Variants in USP54 observed in about 807,000 individuals in gnomAD.
USP54 encodes the protein ubiquitin carboxyl-terminal hydrolase 54.
A neutral mutation model predicts 170.5 loss-of-function variants in USP54; 87 were observed. The ratio of observed to expected loss-of-function variants is 0.51; its 90% CI spans 0.43 to 0.61. The LOEUF (loss-of-function observed/expected upper bound fraction) is 0.61, where lower values mean the gene tolerates loss of function less well. USP54 is among the 20% of genes least tolerant of loss of function. The pLI is 0.00. For synonymous variants in USP54, 655 were observed against 742.8 expected, an observed-to-expected ratio of 0.88 and a Z score of 1.92; for missense variants, 1,786 against 2,047.8, an observed-to-expected ratio of 0.87 and a Z score of 2.47.
At chr10:73,534,861 A>AGACACAAGTCT in intron 11 of USP54, 91 bp from the exon 12 acceptor site, 1 of 1,275,114 alleles carries the variant, frequency 7.8e-7, no homozygotes. Context: ...AAAGCTCCAT[A>AGACACAAGTCT]AGGCAAGAAC....
At chr10:73,542,176 G>A (rs749329665) in intron 7 of USP54, among the ~76,000 whole-genome samples, 20 of 152,136 alleles carry the variant, frequency 1.3e-4, no homozygotes, top group Non-Finnish European at 2.4e-4. Context: ...TCAGCTCACA[G>A]AAACCTCCGC....
chr10:73,610,359 G>A (rs1290520109), intron 1 of USP54, among the ~76,000 whole-genome samples: 3 of 152,024 alleles, frequency 2.0e-5, no homozygotes, highest in Non-Finnish European at 2.9e-5. Flanking sequence ...GCTCACACCT[G>A]TACTGTAATC....
chr10:73,545,584 T>G lies in USP54; in HGVS notation c.329A>C (p.Glu110Ala). Reference protein sequence around the residue: ...RSALAKTFQDEQRFQLGIMDD... With the variant: ...RSALAKTFQDAQRFQLGIMDD... ...CATAATTCCCAGCTGGAAACGTTGT[T>G]CATCCTGGAAAGTCTTTGCCAGAGC... The change falls in exon 5 of 24, where the codon GAA becomes GCA. Residue 110 changes from glutamate (E) to alanine (A), a missense_variant. By Grantham distance (107) the Glu-to-Ala change is moderately radical. Transcript: ENST00000687698. The G allele has an allele frequency of 2.5e-6, 4 of 1,614,202 alleles. No homozygotes were observed. The highest frequency in any genetic ancestry group is 3.4e-6 in the Non-Finnish European group (4 of 1,180,022).
At chr10:73,500,955 T>C in intron 22 of USP54, 117 bp from the exon 23 acceptor site, 1 of 1,077,532 alleles carries the variant, frequency 9.3e-7, no homozygotes, top group Non-Finnish European at 1.3e-6. Context: ...AGCACAAACA[T>C]GCCTACATGC....
Position 73,517,214 on chromosome 10 carries a change from G to C in USP54, c.3212C>G (p.Thr1071Ser), listed in dbSNP as rs905964991. The C allele has an allele frequency of 5.6e-6, 9 of 1,614,090 alleles. No individual in the cohort carries two copies. The East Asian group carries it at 8.9e-5, about 16-fold the overall frequency. The change falls in exon 20 of 24, where the codon ACC (threonine) becomes AGC (serine). Residue 1071 changes from threonine to serine, a missense_variant. Thr to Ser is a moderately conservative substitution (Grantham distance 58). This residue lies in a region of USP54 where 1,418 missense variants were observed against 1,569.0 expected (regional missense o/e 0.90). Transcript: ENST00000687698. ...SAQPSLPLYR[T>S]CHPIMPVASS... is the part of the protein sequence containing the mutation. Reference sequence around the variant, plus strand: ...AGCAACAGGCATTATGGGGTGGCAGGTTCTATACAGGGGAAGGCTGGGCTG... The same window carrying C: ...AGCAACAGGCATTATGGGGTGGCAGCTTCTATACAGGGGAAGGCTGGGCTG...
chr10:73,609,533 G>A lies in USP54; in HGVS notation c.-18+16034C>T, dbSNP rs186389784. 5.1e-3 allele frequency among the ~76,000 whole-genome samples: 770 copies of A among 152,100 alleles called. 4 individuals carry two copies. The highest frequency in any genetic ancestry group is 0.02 in the Middle Eastern group (6 of 294). ...TCAAGACCAACCTGGCCAACATGGT[G>A]AAACCCTGTCTTTACTTAAAATACA... On this transcript the variant is annotated intron_variant, in intron 1 of 22. Coordinates refer to the USP54 transcript ENST00000339859.
intron 22 of USP54, 33 bp from the exon 23 acceptor site, chr10:73,500,871 A>T: frequency 1.3e-6 from 2 of 1,582,856 alleles, no homozygotes; most frequent in South Asian, 2.3e-5. Flanking sequence ...AAACATAGAG[A>T]TGAGGATTAA....
intron 9 of USP54, among the ~76,000 whole-genome samples, chr10:73,540,988 T>C (rs904782473): frequency 1.3e-5 from 2 of 152,234 alleles, no homozygotes; most frequent in African/African-American, 2.4e-5. Flanking sequence ...ATAGCAGTTC[T>C]AGTCAGGAAT....
At chr10:73,567,057 TTAGTAGAGA>T (rs1044604179) in intron 4 of USP54, among the ~76,000 whole-genome samples, 2 of 151,788 alleles carry the variant, frequency 1.3e-5, no homozygotes, top group African/African-American at 4.8e-5. Context: ...TTTTGTATTT[TTAGTAGAGA>T]TAGGGTTTCG....
intron 1 of USP54, among the ~76,000 whole-genome samples, chr10:73,598,425 G>A (rs1438503548): frequency 6.6e-6 from 1 of 152,138 alleles, no homozygotes; most frequent in Admixed American, 6.6e-5. Flanking sequence ...CCCTGGGTTA[G>A]GCAAAGACAC....
intron 4 of USP54, among the ~76,000 whole-genome samples, chr10:73,559,063 G>A (rs1001341202): frequency 1.3e-5 from 2 of 151,916 alleles, no homozygotes; most frequent in Admixed American, 6.6e-5. Context: ...GTTGTTCAAC[G>A]GTTAACTGTA....
intron 17 of USP54, among the ~76,000 whole-genome samples, chr10:73,522,594 T>C (rs764490563): frequency 1.3e-5 from 2 of 152,138 alleles, no homozygotes; most frequent in Non-Finnish European, 2.9e-5. Context: ...GGGACACCAA[T>C]GTGATACAGC....
intron 17 of USP54, among the ~76,000 whole-genome samples, chr10:73,522,015 G>GA (rs199854344): frequency 6.6e-6 from 1 of 151,112 alleles, no homozygotes; most frequent in South Asian, 2.1e-4. Context: ...AGGTTGCAGG[G>GA]AAAAAAAAAT....
At chr10:73,540,846 C>T (rs1207369118) in intron 9 of USP54, among the ~76,000 whole-genome samples, 1 of 152,182 alleles carries the variant, frequency 6.6e-6, no homozygotes, top group African/African-American at 2.4e-5. Flanking sequence ...TATTCTCAGT[C>T]ATGGCTTAAT....
chr10:73,567,963 G>C (rs1353393438), intron 4 of USP54, among the ~76,000 whole-genome samples: 1 of 152,010 alleles, frequency 6.6e-6, no homozygotes, highest in Non-Finnish European at 1.5e-5. Context: ...ACCCTGGCTG[G>C]AGTGTAGTGG....
chr10:73,575,704 C>G, intron 2 of USP54, 29 bp from the exon 3 acceptor site: 1 of 1,516,264 alleles, frequency 6.6e-7, no homozygotes, highest in Non-Finnish European at 8.9e-7. Flanking sequence ...AGGATTTGTG[C>G]CTTTTTGGCA....
At chr10:73,586,688 T>C (rs1021610805) in intron 1 of USP54, among the ~76,000 whole-genome samples, 1 of 152,212 alleles carries the variant, frequency 6.6e-6, no homozygotes, top group African/African-American at 2.4e-5. Context: ...GACAACTTTT[T>C]CTAATAGTGA....
chr10:73,625,265 T>C (rs2081434344), intron 1 of USP54, among the ~76,000 whole-genome samples: 1 of 144,570 alleles, frequency 6.9e-6, no homozygotes, highest in South Asian at 2.3e-4. Flanking sequence ...TTCATTATCC[T>C]ACTCGTAGTT....
At chr10:73,530,094 T>C in intron 14 of USP54, 49 bp downstream of exon 14, 1 of 1,544,546 alleles carries the variant, frequency 6.5e-7, no homozygotes, top group Non-Finnish European at 8.7e-7. Context: ...TAAAAAGACA[T>C]AAATCAACTT....
Sources: gnomAD v4.1 joint callset for allele counts (sites outside exome capture counted in the v4.1 genomes callset) on GRCh38, gnomAD v4.1.1 for gene constraint, gnomAD v4.1.1 regional missense constraint, MANE v1.5 for transcripts, NCBI Gene and HGNC (gene_info 2026-07-23, HGNC 2026-07-21) for gene names.